ADGRL3: variants seen among roughly 807,000 people sequenced by gnomAD.
ADGRL3 encodes the protein adhesion G protein-coupled receptor L3.
ADGRL3 carries 62 observed loss-of-function variants against 153.5 expected under a neutral mutation model. That is an observed-to-expected ratio of 0.40 (90% CI 0.33 to 0.50). The LOEUF is 0.50. Ranked by LOEUF, ADGRL3 falls within the 20% of genes least tolerant of loss-of-function variation. ADGRL3 has a pLI of 0.47. For missense variants in ADGRL3, 1,641 were observed against 1,859.4 expected (o/e 0.88, Z 2.16); for synonymous variants, 710 against 672.5 (o/e 1.06, Z -0.86).
chr4:61,385,458 C>T (rs1002834116), intron 2 of ADGRL3: 3 of 152,168 alleles, frequency 2.0e-5, no homozygotes, highest in Non-Finnish European at 2.9e-5. Flanking sequence ...TGCTCTTTCA[C>T]AAACTAGTGT....
At chr4:61,310,841 G>A (rs750565520) in intron 1 of ADGRL3, among the ~76,000 whole-genome samples, 1 of 151,646 alleles carries the variant, frequency 6.6e-6, no homozygotes, top group African/African-American at 2.4e-5. Flanking sequence ...AGTGCTTGTG[G>A]ACCCTATAAA....
chr4:62,006,074 A>G (rs2151168719), intron 21 of ADGRL3, among the ~76,000 whole-genome samples: 1 of 130,056 alleles, frequency 7.7e-6, no homozygotes, highest in Middle Eastern at 5.3e-3. Context: ...CTTGTTGCCC[A>G]GGCTGGAGTG....
At chr4:61,689,142 G>A (rs2095497042) in intron 6 of ADGRL3, among the ~76,000 whole-genome samples, 1 of 152,056 alleles carries the variant, frequency 6.6e-6, no homozygotes, top group African/African-American at 2.4e-5. Context: ...TGCTGGTACT[G>A]ACAATTTCAC....
At chr4:61,282,109 T>A (rs2093744667) in intron 1 of ADGRL3, among the ~76,000 whole-genome samples, 1 of 152,060 alleles carries the variant, frequency 6.6e-6, no homozygotes, top group African/African-American at 2.4e-5. Context: ...TATAATAAAA[T>A]AAAAACTGAT....
intron 25 of ADGRL3, among the ~76,000 whole-genome samples, chr4:62,065,082 C>T (rs1198728547): frequency 6.6e-6 from 1 of 152,068 alleles, no homozygotes; most frequent in Non-Finnish European, 1.5e-5. Context: ...CTCAGAATCT[C>T]ATATATTCTA....
chr4:61,660,051 C>T (rs952125224), intron 5 of ADGRL3, among the ~76,000 whole-genome samples: 13 of 152,132 alleles, frequency 8.5e-5, no homozygotes, highest in African/African-American at 3.1e-4. Flanking sequence ...TTGTGTGGAA[C>T]ACACCTTAAC....
At chr4:61,331,117 G>A (rs995193706) in intron 1 of ADGRL3, among the ~76,000 whole-genome samples, 1 of 152,302 alleles carries the variant, frequency 6.6e-6, no homozygotes, top group African/African-American at 2.4e-5. Flanking sequence ...TGTGGAGATA[G>A]TATGTTGTGT....
intron 2 of ADGRL3, among the ~76,000 whole-genome samples, chr4:61,474,699 T>A (rs1457095057): frequency 6.6e-6 from 1 of 152,138 alleles, no homozygotes; most frequent in Non-Finnish European, 1.5e-5. Flanking sequence ...GAAAGAAATA[T>A]GTTAACTTCA....
intron 1 of ADGRL3, among the ~76,000 whole-genome samples, chr4:61,375,412 C>T (rs747486644): frequency 6.6e-6 from 1 of 151,964 alleles, no homozygotes; most frequent in Non-Finnish European, 1.5e-5. Context: ...ATTTCTTGCT[C>T]AAATTTTGGA....
chr4:61,781,048 TGGGCATGG>T (rs2097207191), intron 8 of ADGRL3, among the ~76,000 whole-genome samples: 1 of 152,140 alleles, frequency 6.6e-6, no homozygotes, highest in African/African-American at 2.4e-5. Flanking sequence ...TTGTCTCAGC[TGGGCATGG>T]TGGCTCACGC....
At chr4:61,584,819 C>T (rs2098939851) in intron 4 of ADGRL3, among the ~76,000 whole-genome samples, 1 of 151,728 alleles carries the variant, frequency 6.6e-6, no homozygotes, top group Non-Finnish European at 1.5e-5. Flanking sequence ...GACCAAAGTC[C>T]TTTTTTTAAT....
At chr4:62,001,872 A>T (rs1560489462) in intron 21 of ADGRL3, among the ~76,000 whole-genome samples, 1 of 152,158 alleles carries the variant, frequency 6.6e-6, no homozygotes, top group Non-Finnish European at 1.5e-5. Context: ...TGTTCAATTC[A>T]TTAAGAATAA....
intron 21 of ADGRL3, among the ~76,000 whole-genome samples, chr4:62,011,849 A>G (rs2099187983): frequency 6.6e-6 from 1 of 152,184 alleles, no homozygotes; most frequent in African/African-American, 2.4e-5. Flanking sequence ...GCTAAGTGAA[A>G]TAAACATGAA....
At chr4:62,044,411 G>A in intron 24 of ADGRL3, 42 bp from the exon 25 acceptor site, 1 of 1,223,956 alleles carries the variant, frequency 8.2e-7, no homozygotes, top group Non-Finnish European at 1.2e-6. Flanking sequence ...AAAATTCACT[G>A]CATCATGAGT....
chr4:61,909,929 G>T (rs1404714003), intron 12 of ADGRL3, among the ~76,000 whole-genome samples, 184 bp downstream of exon 12: 1 of 151,608 alleles, frequency 6.6e-6, no homozygotes, highest in Non-Finnish European at 1.5e-5. Context: ...ATAGAACTGT[G>T]GTTCTTAATC....
intron 17 of ADGRL3, among the ~76,000 whole-genome samples, chr4:61,977,512 G>A (rs2099052371): frequency 6.6e-6 from 1 of 152,090 alleles, no homozygotes; most frequent in Non-Finnish European, 1.5e-5. Context: ...ATTTCATGTG[G>A]TTTTCTTTCA....
chr4:62,017,696 T>C (rs1348284357), intron 21 of ADGRL3, among the ~76,000 whole-genome samples: 1 of 152,154 alleles, frequency 6.6e-6, no homozygotes, highest in African/African-American at 2.4e-5. Context: ...ATAAAAACTT[T>C]TATGAGTAGA....
At chr4:61,359,308 A>T (rs2096247090) in intron 1 of ADGRL3, among the ~76,000 whole-genome samples, 1 of 152,220 alleles carries the variant, frequency 6.6e-6, no homozygotes, top group South Asian at 2.1e-4. Flanking sequence ...AAGTTGTATC[A>T]TGTTACTCCT....
chr4:61,676,317 T>C (rs2095190602), intron 5 of ADGRL3, among the ~76,000 whole-genome samples: 1 of 152,020 alleles, frequency 6.6e-6, no homozygotes, highest in Admixed American at 6.6e-5. Context: ...AATTTTAACA[T>C]TTAAATATTA....
Sources: allele counts gnomAD v4.1 joint callset (sites outside exome capture counted in the v4.1 genomes callset), GRCh38; gene constraint gnomAD v4.1.1; transcripts MANE v1.5; gene names NCBI Gene and HGNC (gene_info 2026-07-23, HGNC 2026-07-21).